The following TNS3 variants were observed in gnomAD, a reference collection of about 807,000 sequenced individuals.
The protein encoded by TNS3 is tensin 3.
In TNS3, 45 loss-of-function variants were observed where a neutral mutation model predicts 140.9. That is an observed-to-expected ratio of 0.32 (90% CI 0.25 to 0.41). TNS3 has a LOEUF of 0.41. Among genes scored for constraint, TNS3 ranks in the 10% least tolerant of loss-of-function variants. The pLI, the probability that TNS3 is intolerant of heterozygous loss-of-function variation, is 1.00. For missense variants in TNS3, 1,716 were observed against 1,906.7 expected (o/e 0.90, Z 1.86); for synonymous variants, 815 against 788.4 (o/e 1.03, Z -0.56).
chr7:47,480,412 A>G (rs1318195845), intron 4 of TNS3, among the ~76,000 whole-genome samples: 3 of 152,170 alleles, frequency 2.0e-5, no homozygotes, highest in Admixed American at 2.0e-4. Context: ...TCTGACTTGC[A>G]GTGAGAGAAG....
At chr7:47,300,084 G>T (rs930603415) in intron 23 of TNS3, among the ~76,000 whole-genome samples, 1 of 152,154 alleles carries the variant, frequency 6.6e-6, no homozygotes, top group African/African-American at 2.4e-5. Flanking sequence ...GTGACAAATT[G>T]CACTCCCAAA....
At chr7:47,463,643 G>C (rs1365158611) in intron 4 of TNS3, among the ~76,000 whole-genome samples, 1 of 152,164 alleles carries the variant, frequency 6.6e-6, no homozygotes, top group East Asian at 1.9e-4. Flanking sequence ...ACAAAAATGG[G>C]GGAAATGTGG....
intron 9 of TNS3, among the ~76,000 whole-genome samples, chr7:47,426,152 G>A (rs1794639063): frequency 6.6e-6 from 1 of 152,016 alleles, no homozygotes. Context: ...CATAGTGGCG[G>A]GCACCAGTAA....
At position 47,389,104 on chromosome 7, in the gene TNS3, G is replaced by GAAGAAGAAGAAGAAGAAGAAGAA. The variant is rs1562675556; in HGVS notation, c.1024+7695_1024+7696insTTCTTCTTCTTCTTCTTCTTCTT. On this transcript the variant is annotated intron_variant, in intron 16 of 30. Coordinates refer to ENST00000311160, the MANE Select transcript of TNS3 (RefSeq NM_022748.12). The stretch of plus-strand genomic sequence containing the variant: ...AAGAAGAGGAAGAGGAAGAGGAAGC[G>GAAGAAGAAGAAGAAGAAGAAGAA]GAAGCAGAAGAAGAAGAAGAAGAAG... Among the ~76,000 whole-genome samples, 2 of 29,982 alleles carry GAAGAAGAAGAAGAAGAAGAAGAA rather than the reference G, an allele frequency of 6.7e-5. 1 individual carries two copies. The highest frequency in any genetic ancestry group is 4.1e-4 in the African/African-American group (2 of 4,928). 19.7% of individuals were successfully genotyped at this position (29,982 alleles called of 152,430 possible).
intron 20 of TNS3, among the ~76,000 whole-genome samples, chr7:47,319,701 A>G (rs1233461943): frequency 6.6e-6 from 1 of 152,192 alleles, no homozygotes; most frequent in African/African-American, 2.4e-5. Flanking sequence ...GGACCTGAAT[A>G]GAATCAAAGA....
intron 16 of TNS3, among the ~76,000 whole-genome samples, chr7:47,390,542 C>G (rs1792452579): frequency 6.6e-6 from 1 of 152,204 alleles, no homozygotes; most frequent in African/African-American, 2.4e-5. Context: ...AGCGTGGATT[C>G]TGGGAATGTT....
intron 3 of TNS3, among the ~76,000 whole-genome samples, chr7:47,506,575 C>T (rs903390863): frequency 2.0e-5 from 3 of 151,822 alleles, no homozygotes; most frequent in Non-Finnish European, 4.4e-5. Context: ...CCTGCTCCTG[C>T]CCTCTCTCCA....
intron 4 of TNS3, among the ~76,000 whole-genome samples, chr7:47,475,591 G>A (rs571470861): frequency 2.0e-5 from 3 of 152,336 alleles, no homozygotes; most frequent in Admixed American, 6.5e-5. Flanking sequence ...CCAGGAGGCC[G>A]GGCGGGGAAG....
At chr7:47,542,712 C>T (rs751837199) in intron 1 of TNS3, among the ~76,000 whole-genome samples, 4 of 151,940 alleles carry the variant, frequency 2.6e-5, no homozygotes, top group Admixed American at 2.6e-4. Flanking sequence ...GGGCAGATCA[C>T]GAGGTCAGGA....
chr7:47,319,754 C>T (rs750152479), intron 20 of TNS3, among the ~76,000 whole-genome samples: 15 of 152,174 alleles, frequency 9.9e-5, no homozygotes, highest in Admixed American at 9.2e-4. Context: ...CTGTGGCACT[C>T]GGGGCATCTG....
chr7:47,533,441 T>G lies in TNS3; in HGVS notation c.-264-4294A>C, dbSNP rs1453831578. ...CACCGCACCTGGCCTTTTTTTTTTT[T>G]TAAAAGACAAAGGCTAGAAAAAAGA... On this transcript the variant is annotated intron_variant, in intron 1 of 30. Transcript: ENST00000311160. Among the ~76,000 whole-genome samples, 3 of 151,526 alleles carry G rather than the reference T, an allele frequency of 2.0e-5. No homozygotes were observed. The East Asian group carries it at 5.8e-4, about 29-fold the overall frequency.
At position 47,297,071 on chromosome 7, in the gene TNS3, A is replaced by G. The variant is rs1451966212; in HGVS notation, c.3676+11T>C. ...TGAGCTGAACAGATCAATAGGGAGC[A>G]GTAACCTTACCTTTCTTGTTCAGCT... On this transcript the variant is annotated intron_variant, in intron 24 of 30. Coordinates refer to ENST00000311160, the MANE Select transcript of TNS3 (RefSeq NM_022748.12). 6 of 1,614,146 alleles carry G rather than the reference A, an allele frequency of 3.7e-6. No homozygotes were observed. The highest frequency in any genetic ancestry group is 1.7e-5 in the Admixed American group (1 of 60,028).
At chr7:47,318,699 T>G (rs899687416) in intron 20 of TNS3, among the ~76,000 whole-genome samples, 1 of 152,136 alleles carries the variant, frequency 6.6e-6, no homozygotes, top group Non-Finnish European at 1.5e-5. Context: ...TAAGAGGCTT[T>G]GAGAGCCCTG....
chr7:47,480,291 G>A (rs1329128526), intron 4 of TNS3, among the ~76,000 whole-genome samples: 1 of 152,222 alleles, frequency 6.6e-6, no homozygotes, highest in Non-Finnish European at 1.5e-5. Flanking sequence ...CAGATGCCCA[G>A]GAGGAACCAC....
At chr7:47,451,567 C>T (rs1041099377) in intron 4 of TNS3, among the ~76,000 whole-genome samples, 1 of 152,140 alleles carries the variant, frequency 6.6e-6, no homozygotes, top group East Asian at 1.9e-4. Flanking sequence ...GGCAACAGAG[C>T]GAGACTCCAT....
intron 16 of TNS3, among the ~76,000 whole-genome samples, chr7:47,389,076 A>AGGAAGAGGAAGTGGAAGC (rs1792306465): frequency 1.7e-5 from 1 of 58,328 alleles, no homozygotes; most frequent in African/African-American, 7.7e-5. Context: ...GAAGAAGAAG[A>AGGAAGAGGAAGTGGAAGC]AGAAGAAGAG....
chr7:47,409,401 T>A (rs1018328501), intron 13 of TNS3, among the ~76,000 whole-genome samples: 3 of 151,940 alleles, frequency 2.0e-5, no homozygotes. Flanking sequence ...GGCCGTCCCA[T>A]GCTCTTGGTG....
At chr7:47,278,396 C>T (rs939094671) in intron 30 of TNS3, 176 bp from the exon 31 acceptor site, 14 of 656,344 alleles carry the variant, frequency 2.1e-5, no homozygotes, top group Non-Finnish European at 3.3e-5. Flanking sequence ...CCAGCCTTCA[C>T]AGACCTACAG....
intron 2 of TNS3, among the ~76,000 whole-genome samples, chr7:47,525,735 G>A (rs898891187): frequency 6.6e-6 from 1 of 152,080 alleles, no homozygotes; most frequent in Non-Finnish European, 1.5e-5. Flanking sequence ...TGCACTGCTT[G>A]TCCTCATATG....
Sources: gnomAD v4.1 joint callset for allele counts (sites outside exome capture counted in the v4.1 genomes callset) on GRCh38, gnomAD v4.1.1 for gene constraint, MANE v1.5 for transcripts, NCBI Gene and HGNC (gene_info 2026-07-23, HGNC 2026-07-21) for gene names.